The following SFXN4 variants were observed in gnomAD, a reference collection of about 807,000 sequenced individuals.
SFXN4 encodes sideroflexin 4.
SFXN4 carries 48 observed loss-of-function variants against 54.6 expected under a neutral mutation model. The ratio of observed to expected loss-of-function variants is 0.88; its 90% confidence interval spans 0.70 to 1.12. The LOEUF is 1.12. Ranked by LOEUF, SFXN4 falls within the 50% of genes most tolerant of loss-of-function variation. The pLI is 0.00. For synonymous variants in SFXN4, 130 were observed against 145.5 expected, an observed-to-expected ratio of 0.89 and a Z score of 0.77; for missense variants, 383 against 409.2, an observed-to-expected ratio of 0.94 and a Z score of 0.55.
At chr10:119,161,682 G>A (rs1397504046) in intron 3 of SFXN4, among the ~76,000 whole-genome samples, 1 of 152,148 alleles carries the variant, frequency 6.6e-6, no homozygotes, top group African/African-American at 2.4e-5. Context: ...TCTACCCTTG[G>A]AGAATACCAA....
At chr10:119,159,194 T>C (rs1443726518) in intron 6 of SFXN4, among the ~76,000 whole-genome samples, 1 of 150,368 alleles carries the variant, frequency 6.7e-6, no homozygotes, top group African/African-American at 2.5e-5. Context: ...ACAGGAGAAT[T>C]GCTTGAACGA....
intron 12 of SFXN4, among the ~76,000 whole-genome samples, chr10:119,147,078 G>A (rs1846847981): frequency 6.6e-6 from 1 of 152,200 alleles, no homozygotes; most frequent in Non-Finnish European, 1.5e-5. Context: ...GTGAGGCTAT[G>A]AGCTGGGAGT....
chr10:119,154,498 T>C (rs1847199925), intron 11 of SFXN4, among the ~76,000 whole-genome samples: 1 of 152,014 alleles, frequency 6.6e-6, no homozygotes, highest in East Asian at 1.9e-4. Flanking sequence ...GGAGGGACAA[T>C]GGAGACAGAG....
At chr10:119,157,145 C>T (rs1448748342) in intron 9 of SFXN4, among the ~76,000 whole-genome samples, 1 of 151,974 alleles carries the variant, frequency 6.6e-6, no homozygotes, top group Non-Finnish European at 1.5e-5. Flanking sequence ...GATAACAGTA[C>T]CAGCCAGGCG....
intron 1 of SFXN4, 29 bp downstream of exon 1, chr10:119,165,508 C>A: frequency 5.8e-6 from 9 of 1,546,958 alleles, no homozygotes; most frequent in Non-Finnish European, 7.8e-6. Flanking sequence ...CCCCTCCCTG[C>A]CCCTAGTCGC....
chr10:119,153,363 C>T (rs1225542608), intron 11 of SFXN4, among the ~76,000 whole-genome samples: 2 of 144,256 alleles, frequency 1.4e-5, no homozygotes, highest in Non-Finnish European at 1.5e-5. Context: ...GAGCCGTGAT[C>T]ACACCATTGC....
intron 10 of SFXN4, 35 bp from the exon 11 acceptor site, chr10:119,155,212 G>A (rs775061609): frequency 2.2e-5 from 32 of 1,428,172 alleles, no homozygotes; most frequent in Middle Eastern, 1.7e-4. Context: ...CACCCAAGAC[G>A]GGGGTGAGTC....
intron 1 of SFXN4, 37 bp from the exon 2 acceptor site, chr10:119,164,233 A>G (rs774113803): frequency 1.6e-6 from 2 of 1,279,632 alleles, no homozygotes; most frequent in African/African-American, 1.5e-5. Flanking sequence ...GGTTAATGGC[A>G]GCAGAAAAAT....
At chr10:119,149,621 G>A (rs1228302242) in intron 11 of SFXN4, among the ~76,000 whole-genome samples, 1 of 152,024 alleles carries the variant, frequency 6.6e-6, no homozygotes, top group African/African-American at 2.4e-5. Context: ...GTGGTGGTGG[G>A]CGCCTGTAAT....
At chr10:119,162,977 T>C (rs1847618939) in intron 2 of SFXN4, among the ~76,000 whole-genome samples, 1 of 152,180 alleles carries the variant, frequency 6.6e-6, no homozygotes, top group East Asian at 1.9e-4. Context: ...CTATTTTTAT[T>C]TGTACAGATA....
Position 119,147,832 on chromosome 10 carries a change from A to G in SFXN4, c.761T>C (p.Ile254Thr), listed in dbSNP as rs977248748. The G allele has an allele frequency of 1.2e-5, 19 of 1,614,048 alleles. No individual in the cohort carries two copies. The highest frequency in any genetic ancestry group is 1.5e-5 in the Non-Finnish European group (18 of 1,179,992). Residue 254 changes from isoleucine (I) to threonine (T), a missense_variant, in exon 12 of 14, where the codon ATA (isoleucine) becomes ACA (threonine). Ile to Thr is a moderately conservative substitution (Grantham distance 89, BLOSUM62 -1). Coordinates refer to ENST00000355697, the MANE Select transcript of SFXN4 (RefSeq NM_213649.2). ...CAGAGCTGAGGTCCCAAACAGCACT[A>G]TTCTGGATGCTAGCGTTTCTCTAAC... ...KAVRETLASR[I>T]VLFGTSALIP...
Position 119,142,155 on chromosome 10 carries a change from A to G in SFXN4, c.937-836T>C, listed in dbSNP as rs531704227. Among the ~76,000 whole-genome samples, 12 of 152,246 alleles carry G rather than the reference A, an allele frequency of 7.9e-5. No homozygotes were observed. The East Asian group carries it at 2.3e-3, about 29-fold the overall frequency. On this transcript the variant is annotated intron_variant, in intron 13 of 13. Transcript: ENST00000355697. ...GTCAAGGCTGCAGTAAGCCATGATC[A>G]TACCACTGCCCTCCAGCCTGGGCAA... is the stretch of plus-strand genomic sequence containing the variant.
Position 119,156,695 on chromosome 10 carries a change from A to G in SFXN4, c.599T>C (p.Leu200Ser). 1 of 1,611,020 alleles carries G rather than the reference A, an allele frequency of 6.2e-7. No individual in the cohort carries two copies. Among genetic ancestry groups the G allele is most frequent in the Non-Finnish European group, 8.5e-7 (1 of 1,178,384 alleles). ...GLTGPWIKRL[L>S]PVIFLVQASG... ...CTGCTCACCGAGGAAGATCACAGGT[A>G]AGAGTCTTTTAATCCAAGGGCCAGT... The change falls in exon 10 of 14, where the codon TTA becomes TCA. Residue 200 changes from leucine to serine, a missense_variant. Transcript: ENST00000355697.
intron 5 of SFXN4, among the ~76,000 whole-genome samples, chr10:119,160,483 T>C (rs993909001): frequency 7.5e-6 from 1 of 132,524 alleles, no homozygotes; most frequent in African/African-American, 2.9e-5. Context: ...GCCACTGAAC[T>C]CCAGCCTAGG....
At chr10:119,150,121 A>C (rs1263167722) in intron 11 of SFXN4, among the ~76,000 whole-genome samples, 1 of 151,892 alleles carries the variant, frequency 6.6e-6, no homozygotes, top group Non-Finnish European at 1.5e-5. Context: ...AGTTGCAGAC[A>C]CTTTATTCTT....
In SFXN4 at chr10:119,146,464, C is replaced by CGCGCGCGCGCGCGT. The variant is rs1554885843; in HGVS notation, c.819-112_819-111insACGCGCGCGCGCGC. The stretch of plus-strand genomic sequence containing the variant: ...GTGTGTGTGTGTGTGTGTGTGTGCA[C>CGCGCGCGCGCGCGT]GTGTGTGTGTACCTGAACACCTGGA... On this transcript the variant is annotated intron_variant, in intron 12 of 13. Transcript: ENST00000355697. The CGCGCGCGCGCGCGT allele has an allele frequency of 1.9e-4, 91 of 488,534 alleles. 1 individual carries two copies. The Admixed American group carries it at 2.1e-3, about 11-fold the overall frequency. The allele number at this position is 488,534 out of a possible 1,614,324, so 30.3% of individuals were successfully genotyped here.
intron 11 of SFXN4, among the ~76,000 whole-genome samples, chr10:119,154,812 G>A (rs1422214425): frequency 1.3e-5 from 2 of 152,130 alleles, no homozygotes; most frequent in African/African-American, 2.4e-5. Context: ...AGGCCAGTGC[G>A]ACAGAGCAAG....
chr10:119,152,776 TA>T (rs1847122377), intron 11 of SFXN4, among the ~76,000 whole-genome samples: 1 of 152,132 alleles, frequency 6.6e-6, no homozygotes. Flanking sequence ...ATGACGTATT[TA>T]CCGATGGAAT....
intron 13 of SFXN4, among the ~76,000 whole-genome samples, chr10:119,143,979 A>AT (rs752001664): frequency 6.6e-5 from 10 of 152,202 alleles, no homozygotes; most frequent in Non-Finnish European, 1.2e-4. Context: ...AGTAATAGGC[A>AT]TAACTATCTA....
Sources: gnomAD v4.1 joint callset for allele counts (sites outside exome capture counted in the v4.1 genomes callset) on GRCh38, gnomAD v4.1.1 for gene constraint, MANE v1.5 for transcripts, NCBI Gene and HGNC (gene_info 2026-07-23, HGNC 2026-07-21) for gene names.